Variants in DMD observed in about 807,000 individuals in gnomAD.
DMD encodes mutant dystrophin.
Under a neutral mutation model 330.1 loss-of-function variants are expected in DMD, and 63 were observed. The ratio of observed to expected loss-of-function variants is 0.19; its 90% CI spans 0.16 to 0.24. DMD has a LOEUF of 0.24. Ranked by LOEUF, DMD falls within the 10% of genes least tolerant of loss-of-function variation. DMD has a pLI of 1.00. For missense variants in DMD, 3,344 were observed against 2,684.1 expected, an observed-to-expected ratio of 1.25 and a Z score of -5.43; for synonymous variants, 1,223 against 959.8, an observed-to-expected ratio of 1.27 and a Z score of -5.07.
At chrX:31,223,231 T>C (rs1314614565) in intron 63 of DMD, 110 bp from the exon 64 acceptor site, 1 of 667,682 alleles carries the variant, frequency 1.5e-6, no homozygotes, top group African/African-American at 2.1e-5. Context: ...AAAAATAGCC[T>C]AGAAAACATA....
In DMD at chrX:32,632,466, G is replaced by T. The variant is rs984107111; in HGVS notation, c.1331+11666C>A. Among the ~76,000 whole-genome samples, 3 of 112,515 alleles carry T rather than the reference G, an allele frequency of 2.7e-5. No homozygotes were observed. The Admixed American group carries it at 2.8e-4, about 11-fold the overall frequency. On this transcript the variant is annotated intron_variant, in intron 11 of 78. Transcript: ENST00000357033. Reference sequence around the variant, plus strand: ...TAGGCAATGCCCCAGTGGGGACTACGTGTGGGGGATCAAAGCCCACATTTT... The same window carrying T: ...TAGGCAATGCCCCAGTGGGGACTACTTGTGGGGGATCAAAGCCCACATTTT...
intron 2 of DMD, among the ~76,000 whole-genome samples, chrX:32,866,752 G>GGGGGGGGGT (rs2082539861): frequency 1.2e-5 from 1 of 84,105 alleles, no homozygotes; most frequent in Non-Finnish European, 2.3e-5. Context: ...TGGGGGGGGG[G>GGGGGGGGGT]GGACAGAGTT....
At chrX:32,919,266 G>A (rs1049868839) in intron 2 of DMD, among the ~76,000 whole-genome samples, 3 of 111,896 alleles carry the variant, frequency 2.7e-5, no homozygotes, top group Non-Finnish European at 3.8e-5. Flanking sequence ...ATGGCAAATA[G>A]TGTTGGTTGA....
intron 2 of DMD, among the ~76,000 whole-genome samples, chrX:32,920,104 T>A (rs1200684563): frequency 8.9e-6 from 1 of 111,820 alleles, no homozygotes; most frequent in African/African-American, 3.2e-5. Context: ...ACTAGATGGA[T>A]AAAGATAATC....
intron 62 of DMD, among the ~76,000 whole-genome samples, chrX:31,272,679 G>C (rs1222816356): frequency 8.9e-6 from 1 of 112,245 alleles, no homozygotes; most frequent in African/African-American, 3.2e-5. Context: ...GGAAGTCTGC[G>C]TCTCTTCTCA....
intron 2 of DMD, among the ~76,000 whole-genome samples, chrX:32,864,344 C>T (rs1006380955): frequency 1.8e-5 from 2 of 112,267 alleles, no homozygotes; most frequent in Admixed American, 1.9e-4. Flanking sequence ...AGTGTATCTA[C>T]AGATCTCTAC....
intron 1 of DMD, among the ~76,000 whole-genome samples, chrX:33,093,177 T>A (rs1232597389): frequency 1.8e-5 from 2 of 112,257 alleles, no homozygotes; most frequent in Non-Finnish European, 3.8e-5. Context: ...GCCCAGCCTG[T>A]AATTTTCTTC....
chrX:32,970,801 A>G (rs1384210309), intron 2 of DMD, among the ~76,000 whole-genome samples: 1 of 94,593 alleles, frequency 1.1e-5, no homozygotes, highest in Non-Finnish European at 2.0e-5. Context: ...AGAATTTAAC[A>G]GTTTAAAATA....
intron 1 of DMD, among the ~76,000 whole-genome samples, chrX:33,201,608 T>A (rs2051277946): frequency 8.9e-6 from 1 of 111,926 alleles, no homozygotes; most frequent in African/African-American, 3.2e-5. Context: ...CAACTAAATA[T>A]CACACTGTGG....
intron 7 of DMD, among the ~76,000 whole-genome samples, chrX:32,714,711 T>A (rs1211111031): frequency 8.9e-6 from 1 of 111,962 alleles, no homozygotes; most frequent in Non-Finnish European, 1.9e-5. Flanking sequence ...ATGTCTTTAT[T>A]TATGTACTTA....
chrX:32,733,079 A>C (rs1358016332), intron 7 of DMD, among the ~76,000 whole-genome samples: 11 of 108,235 alleles, frequency 1.0e-4, no homozygotes, highest in South Asian at 3.9e-4. Context: ...TCTACCAAGC[A>C]AATGGAAAAC....
At chrX:32,070,778 CA>C (rs1251768750) in intron 44 of DMD, among the ~76,000 whole-genome samples, 1 of 110,982 alleles carries the variant, frequency 9.0e-6, no homozygotes, top group East Asian at 2.9e-4. Context: ...TATGAGGATG[CA>C]AAGGCATAAG....
At chrX:31,487,753 T>G (rs1383995197) in intron 57 of DMD, among the ~76,000 whole-genome samples, 1 of 111,884 alleles carries the variant, frequency 8.9e-6, no homozygotes, top group Non-Finnish European at 1.9e-5. Flanking sequence ...AAAGTGAAGA[T>G]AAGGGATTGA....
chrX:32,777,256 T>C (rs2074246683), intron 7 of DMD, among the ~76,000 whole-genome samples: 1 of 5,758 alleles, frequency 1.7e-4, no homozygotes, highest in African/African-American at 1.1e-3. Context: ...AAGTTCCTAG[T>C]TTTTAAGTTT....
At chrX:31,751,663 T>G (rs1432297439) in intron 51 of DMD, among the ~76,000 whole-genome samples, 1 of 111,922 alleles carries the variant, frequency 8.9e-6, no homozygotes, top group Non-Finnish European at 1.9e-5. Context: ...ACCATGACAT[T>G]GCCCCCAGAC....
chrX:32,729,700 T>C (rs888931812), intron 7 of DMD, among the ~76,000 whole-genome samples: 7 of 112,047 alleles, frequency 6.2e-5, no homozygotes, highest in African/African-American at 2.0e-4. Flanking sequence ...TGTATACTTA[T>C]GTCTCTTAAG....
intron 55 of DMD, among the ~76,000 whole-genome samples, chrX:31,595,667 A>T (rs1287547527): frequency 1.8e-5 from 2 of 111,018 alleles, no homozygotes; most frequent in Non-Finnish European, 3.8e-5. Flanking sequence ...AACAAAAACA[A>T]AACTGGGGTC....
intron 9 of DMD, among the ~76,000 whole-genome samples, chrX:32,663,914 G>A (rs1602678805): frequency 9.0e-6 from 1 of 111,585 alleles, no homozygotes. Flanking sequence ...CGGTAACAAC[G>A]GTGGAAAAGG....
At chrX:32,267,247 A>G (rs999365322) in intron 43 of DMD, among the ~76,000 whole-genome samples, 3 of 112,081 alleles carry the variant, frequency 2.7e-5, no homozygotes, top group African/African-American at 9.7e-5. Context: ...TGTCTCTCTT[A>G]AACTTTCTTC....
Sources: gnomAD v4.1 joint callset for allele counts (sites outside exome capture counted in the v4.1 genomes callset) on GRCh38, gnomAD v4.1.1 for gene constraint, MANE v1.5 for transcripts, NCBI Gene and HGNC (gene_info 2026-07-23, HGNC 2026-07-21) for gene names.